The following SLC4A7 variants were observed in gnomAD, a reference collection of about 807,000 sequenced individuals.
The protein encoded by SLC4A7 is solute carrier family 4 member 7.
In SLC4A7, 51 loss-of-function variants were observed where a neutral mutation model predicts 137.6. That is an observed-to-expected ratio of 0.37 (90% CI 0.30 to 0.47). The LOEUF is 0.47. SLC4A7 is among the 20% of genes least tolerant of loss of function. SLC4A7 has a pLI of 1.00. For synonymous variants in SLC4A7, 542 were observed against 518.6 expected (o/e 1.05, Z -0.61); for missense variants, 1,247 against 1,525.4 (o/e 0.82, Z 3.04).
At chr3:27,460,983 G>A (rs1333042155) in intron 1 of SLC4A7, among the ~76,000 whole-genome samples, 3 of 152,032 alleles carry the variant, frequency 2.0e-5, no homozygotes, top group South Asian at 2.1e-4. Context: ...AAATGAACCT[G>A]TTCAAAAGTA....
chr3:27,381,095 A>G (rs2050373959), intron 24 of SLC4A7, among the ~76,000 whole-genome samples: 1 of 152,242 alleles, frequency 6.6e-6, no homozygotes, highest in Admixed American at 6.5e-5. Context: ...AAGATATAAA[A>G]TTCTGGCAAA....
intron 13 of SLC4A7, among the ~76,000 whole-genome samples, chr3:27,407,543 T>C (rs1044034763): frequency 6.6e-5 from 10 of 151,582 alleles, no homozygotes; most frequent in African/African-American, 2.2e-4. Flanking sequence ...TTCAGAAGTT[T>C]CCATTGTACC....
Position 27,398,209 on chromosome 3 carries a change from G to C in SLC4A7, c.2572C>G (p.Arg858Gly). 1 of 1,610,336 alleles carries C rather than the reference G, an allele frequency of 6.2e-7. No homozygotes were observed. Among genetic ancestry groups the C allele is most frequent in the Non-Finnish European group, 8.5e-7 (1 of 1,178,210 alleles). The change falls in exon 17 of 26, where the codon CGT (arginine) becomes GGT (glycine). Residue 858 changes from arginine (R) to glycine (G), a missense_variant. Coordinates refer to ENST00000454389, the MANE Select transcript of SLC4A7 (RefSeq NM_001321103.2). ...SSFLKQFKTK[R>G]YFPTKVRSTI... is the part of the protein sequence containing the mutation. ...ACAGTTACCTTGGTAGGAAAGTAAC[G>C]CTTGGTCTTAAATTGCTTGAGGAAT...
intron 24 of SLC4A7, among the ~76,000 whole-genome samples, chr3:27,381,864 T>A (rs777718015): frequency 5.3e-5 from 8 of 152,094 alleles, no homozygotes; most frequent in Non-Finnish European, 1.2e-4. Flanking sequence ...GGCAGGCGGA[T>A]CACCTGAGGG....
intron 1 of SLC4A7, among the ~76,000 whole-genome samples, chr3:27,460,820 AC>A (rs1350396454): frequency 6.6e-6 from 1 of 152,166 alleles, no homozygotes; most frequent in Non-Finnish European, 1.5e-5. Context: ...AGTGCTGTTG[AC>A]CAGAAGCCTA....
chr3:27,442,033 A>T (rs1249854966), intron 3 of SLC4A7, among the ~76,000 whole-genome samples: 1 of 151,166 alleles, frequency 6.6e-6, no homozygotes, highest in Non-Finnish European at 1.5e-5. Flanking sequence ...GGCACGTGCC[A>T]CCACACCTGG....
chr3:27,469,329 A>G (rs2059140046), intron 1 of SLC4A7, among the ~76,000 whole-genome samples: 1 of 152,130 alleles, frequency 6.6e-6, no homozygotes. Flanking sequence ...CTACCTGGAG[A>G]TAGTGTTAGA....
intron 23 of SLC4A7, among the ~76,000 whole-genome samples, chr3:27,385,068 T>C (rs531557292): frequency 6.6e-6 from 1 of 152,350 alleles, no homozygotes; most frequent in East Asian, 1.9e-4. Context: ...AGTTAAAGAA[T>C]TTTAATTTTT....
Position 27,421,702 on chromosome 3 carries a change from C to T in SLC4A7, c.1344G>A (p.Leu448=), listed in dbSNP as rs369971218. The T allele has an allele frequency of 1.3e-5, 21 of 1,613,684 alleles. No homozygotes were observed. Among genetic ancestry groups the T allele is most frequent in the Non-Finnish European group, 1.6e-5 (19 of 1,179,842 alleles). The change falls in exon 9 of 26, where the codon TTG becomes TTA. Residue 448 remains leucine, a synonymous_variant. Coordinates refer to ENST00000454389, the MANE Select transcript of SLC4A7 (RefSeq NM_001321103.2). ...SNVLVGEVDF[L]ERPIIAFVRL... ...TCACAAATGCAATTATTGGCCTTTCCAAAAAGTCTACTTCGCCCACCAGGA... is the reference window on the plus strand; with the variant it reads ...TCACAAATGCAATTATTGGCCTTTCTAAAAAGTCTACTTCGCCCACCAGGA...
chr3:27,438,808 A>T (rs1214068736), intron 3 of SLC4A7, among the ~76,000 whole-genome samples: 3 of 152,212 alleles, frequency 2.0e-5, no homozygotes, highest in African/African-American at 7.2e-5. Context: ...CCAAAAAATG[A>T]TGAGAAAACT....
intron 1 of SLC4A7, among the ~76,000 whole-genome samples, chr3:27,481,769 C>T (rs1559863916): frequency 6.6e-6 from 1 of 152,194 alleles, no homozygotes; most frequent in Non-Finnish European, 1.5e-5. Context: ...AAGTGCTCCC[C>T]TACCACGTCA....
At chr3:27,455,900 A>G (rs911714923) in intron 1 of SLC4A7, among the ~76,000 whole-genome samples, 1 of 152,110 alleles carries the variant, frequency 6.6e-6, no homozygotes, top group Non-Finnish European at 1.5e-5. Context: ...AAATTTAAAA[A>G]CCCAGCATCA....
rs777113299 is a variant in SLC4A7 at position 27,434,038 on chromosome 3, T to G, written c.656A>C (p.Glu219Ala). 1.2e-6 allele frequency: 2 copies of G among 1,613,524 alleles called. No homozygotes were observed. The highest frequency in any genetic ancestry group is 1.7e-6 in the Non-Finnish European group (2 of 1,179,650). ...LDESIRENVR[E>A]ALLKRHHHQN... is the part of the protein sequence containing the mutation. ...ATGATGATGTCTCTTCAGAAGAGCT[T>G]CTCTGACATTCTCTCGTATGGACTC... Residue 219 changes from glutamate to alanine, a missense_variant, in exon 6 of 26, where the codon GAA becomes GCA. Physicochemically the swap from Glu to Ala is moderately radical, Grantham distance 107. Around this residue, in one of 6 missense-constraint regions of SLC4A7, gnomAD observed 223 missense variants for 203.6 expected, o/e 1.10. Coordinates refer to ENST00000454389, the MANE Select transcript of SLC4A7 (RefSeq NM_001321103.2).
intron 8 of SLC4A7, 155 bp downstream of exon 8, chr3:27,423,882 C>T: frequency 1.8e-6 from 1 of 550,400 alleles, no homozygotes; most frequent in Non-Finnish European, 3.2e-6. Flanking sequence ...CAGTTTTTAC[C>T]TTAAATTAAC....
chr3:27,470,561 T>C (rs142984062), intron 1 of SLC4A7, among the ~76,000 whole-genome samples: 10 of 151,480 alleles, frequency 6.6e-5, no homozygotes, highest in African/African-American at 2.4e-4. Context: ...CGAATGTTTA[T>C]CTATAGCAAT....
chr3:27,437,176 C>A (rs1030287246), intron 4 of SLC4A7, among the ~76,000 whole-genome samples: 2 of 152,034 alleles, frequency 1.3e-5, no homozygotes, highest in Non-Finnish European at 1.5e-5. Context: ...CTTGGTGAAA[C>A]CCCATCTCTA....
intron 7 of SLC4A7, among the ~76,000 whole-genome samples, chr3:27,424,978 T>C (rs1265979883): frequency 6.6e-6 from 1 of 152,224 alleles, no homozygotes; most frequent in Admixed American, 6.5e-5. Context: ...AAAAGTGACA[T>C]TCAACACCAA....
At chr3:27,429,661 C>T (rs1212237317) in intron 7 of SLC4A7, among the ~76,000 whole-genome samples, 1 of 151,430 alleles carries the variant, frequency 6.6e-6, no homozygotes, top group African/African-American at 2.4e-5. Flanking sequence ...ACTAGCCTGG[C>T]CAACATGGTG....
chr3:27,410,888 A>G (rs1358032323), intron 12 of SLC4A7, among the ~76,000 whole-genome samples: 1 of 152,158 alleles, frequency 6.6e-6, no homozygotes, highest in Non-Finnish European at 1.5e-5. Context: ...TATTTTTATG[A>G]TATAGTACCC....
Sources: allele counts gnomAD v4.1 joint callset (sites outside exome capture counted in the v4.1 genomes callset), GRCh38; gene constraint gnomAD v4.1.1; regional missense constraint gnomAD v4.1.1; transcripts MANE v1.5; gene names NCBI Gene and HGNC (gene_info 2026-07-23, HGNC 2026-07-21).